The following NCOA3 variants were observed in gnomAD, a reference collection of about 807,000 sequenced individuals.
NCOA3 encodes nuclear receptor coactivator 3, also known as CBP-interacting protein.
In NCOA3, 51 loss-of-function variants were observed where a neutral mutation model predicts 158.8. That is an observed-to-expected ratio of 0.32 (90% CI 0.26 to 0.41). The LOEUF (loss-of-function observed/expected upper bound fraction) is 0.41. Among genes scored for constraint, NCOA3 ranks in the 10% least tolerant of loss-of-function variants. The pLI is 1.00. For missense variants in NCOA3, 1,510 were observed against 1,746.6 expected (o/e 0.86, Z 2.41); for synonymous variants, 537 against 592.4 (o/e 0.91, Z 1.36).
At chr20:47,542,817 C>T (rs778273754) in intron 1 of NCOA3, among the ~76,000 whole-genome samples, 5 of 152,066 alleles carry the variant, frequency 3.3e-5, no homozygotes, top group African/African-American at 4.8e-5. Context: ...CAAAAATTAT[C>T]CGGGCATGGT....
intron 1 of NCOA3, among the ~76,000 whole-genome samples, chr20:47,568,585 C>T (rs180974811): frequency 6.4e-4 from 98 of 152,218 alleles, no homozygotes; most frequent in Admixed American, 2.8e-3. Flanking sequence ...CCCTTTAGCT[C>T]CATGAGACCA....
intron 1 of NCOA3, among the ~76,000 whole-genome samples, chr20:47,517,447 TTTTC>T (rs1207809126): frequency 1.4e-5 from 2 of 144,702 alleles, no homozygotes; most frequent in Non-Finnish European, 3.0e-5. Flanking sequence ...TCTTTTTTCT[TTTTC>T]TTTTTTTTTT....
At chr20:47,568,815 C>A (rs986579755) in intron 1 of NCOA3, among the ~76,000 whole-genome samples, 2 of 151,772 alleles carry the variant, frequency 1.3e-5, no homozygotes, top group African/African-American at 4.8e-5. Context: ...AAAATTATTG[C>A]TAAAAAATGC....
intron 1 of NCOA3, among the ~76,000 whole-genome samples, chr20:47,506,487 A>G (rs1026775525): frequency 6.6e-6 from 1 of 152,144 alleles, no homozygotes; most frequent in Non-Finnish European, 1.5e-5. Flanking sequence ...TTTATCCACA[A>G]ACTGGATAAT....
chr20:47,634,165 A>G lies in NCOA3; in HGVS notation c.1082A>G (p.His361Arg), dbSNP rs780365713. Residue 361 changes from histidine (H) to arginine (R), a missense_variant, in exon 10 of 23, where the codon CAT (histidine) becomes CGT (arginine). Transcript: ENST00000371998. Reference protein sequence around the residue: ...LFRNPVTNDRHGFVSTHFLQR... With the variant: ...LFRNPVTNDRRGFVSTHFLQR... The stretch of plus-strand genomic sequence containing the variant: ...CGAAATCCTGTAACAAATGATCGAC[A>G]TGGCTTTGTCTCAACCCACTTCCTT... 3.1e-6 allele frequency: 5 copies of G among 1,614,166 alleles called. No homozygotes were observed. The highest frequency in any genetic ancestry group is 4.2e-6 in the Non-Finnish European group (5 of 1,180,022).
intron 2 of NCOA3, among the ~76,000 whole-genome samples, chr20:47,593,378 T>C (rs919141686): frequency 2.3e-4 from 31 of 135,768 alleles, no homozygotes; most frequent in Non-Finnish European, 4.4e-4. Context: ...AGTCTCGCTC[T>C]GTTGCCCAGG....
At chr20:47,650,071 G>A (rs772574669) in intron 19 of NCOA3, among the ~76,000 whole-genome samples, 1 of 151,758 alleles carries the variant, frequency 6.6e-6, no homozygotes, top group Admixed American at 6.6e-5. Flanking sequence ...TCATTTTCCT[G>A]TAATTGTCTT....
chr20:47,525,450 A>G (rs1203161640), intron 1 of NCOA3, among the ~76,000 whole-genome samples: 3 of 150,388 alleles, frequency 2.0e-5, no homozygotes, highest in African/African-American at 7.3e-5. Context: ...GCTGTTGGGT[A>G]CACCTCCCAG....
Position 47,655,089 on chromosome 20 carries a change from G to T in NCOA3, c.*1672G>T, listed in dbSNP as rs1470337007. 6.6e-6 allele frequency: 1 copy of T among 152,114 alleles called. No homozygotes were observed. The highest frequency in any genetic ancestry group is 2.4e-5 in the African/African-American group (1 of 41,408). The allele number at this position is 152,114 out of a possible 1,614,324, so 9.4% of individuals were successfully genotyped here. The stretch of plus-strand genomic sequence containing the variant: ...TGTCAGTTATTTCTTAAGTAACTCA[G>T]TACCCAGAACAGCCAGTTTTACTGT... On this transcript the variant is annotated 3_prime_UTR_variant, in exon 23 of 23. Coordinates refer to ENST00000371998, the MANE Select transcript of NCOA3 (RefSeq NM_181659.3).
chr20:47,509,883 A>G (rs1184673018), intron 1 of NCOA3, among the ~76,000 whole-genome samples: 2 of 152,092 alleles, frequency 1.3e-5, no homozygotes, highest in Non-Finnish European at 2.9e-5. Flanking sequence ...CTTGGTGGTA[A>G]TTGTGTTTTA....
chr20:47,594,517 T>G (rs1443966885), intron 2 of NCOA3, among the ~76,000 whole-genome samples: 2 of 151,252 alleles, frequency 1.3e-5, no homozygotes, highest in Non-Finnish European at 2.9e-5. Context: ...ACAAAACAAT[T>G]AGCCTGGCGT....
At chr20:47,584,120 C>A (rs2085496119) in intron 2 of NCOA3, among the ~76,000 whole-genome samples, 1 of 151,840 alleles carries the variant, frequency 6.6e-6, no homozygotes, top group Non-Finnish European at 1.5e-5. Flanking sequence ...CACAGTAACA[C>A]CCCCAGTTCT....
chr20:47,625,503 G>C (rs145496605), intron 5 of NCOA3, 22 bp downstream of exon 5: 2 of 1,486,040 alleles, frequency 1.3e-6, no homozygotes, highest in Non-Finnish European at 1.9e-6. Flanking sequence ...GATTTTAACT[G>C]TCCAGTAGGC....
chr20:47,652,695 A>C, intron 21 of NCOA3, 115 bp downstream of exon 21: 1 of 1,086,444 alleles, frequency 9.2e-7, no homozygotes, highest in South Asian at 1.6e-5. Flanking sequence ...CTGGGTTCAT[A>C]TTAGAAGGTG....
At position 47,639,094 on chromosome 20, in the gene NCOA3, A is replaced by G. The variant is rs1206632505; in HGVS notation, c.2599A>G (p.Ser867Gly). Residue 867 changes from serine to glycine, a missense_variant, in exon 14 of 23, where the codon AGT becomes GGT. Ser to Gly is a moderately conservative substitution (Grantham distance 56). Around this residue, in one of 4 missense-constraint regions of NCOA3, gnomAD observed 1,017 missense variants for 1,098.3 expected, o/e 0.93. Coordinates refer to ENST00000371998, the MANE Select transcript of NCOA3 (RefSeq NM_181659.3). ...GGATAGCCCTGTTTCTGTTGGCTCA[A>G]GTCCTCCAGTAAAAAATATCAGTGC... The part of the protein sequence containing the change: ...SLDSPVSVGS[S>G]PPVKNISAFP... The G allele has an allele frequency of 8.7e-6, 14 of 1,614,216 alleles. No individual in the cohort carries two copies. The highest frequency in any genetic ancestry group is 1.7e-5 in the Admixed American group (1 of 60,034).
At chr20:47,598,438 C>T (rs536708953) in intron 2 of NCOA3, among the ~76,000 whole-genome samples, 11 of 152,048 alleles carry the variant, frequency 7.2e-5, no homozygotes, top group East Asian at 2.0e-4. Context: ...TGGGTTCACG[C>T]GGTTCTCCTG....
intron 10 of NCOA3, 57 bp from the exon 11 acceptor site, chr20:47,635,265 A>T: frequency 2.0e-6 from 3 of 1,476,976 alleles, no homozygotes; most frequent in Non-Finnish European, 1.8e-6. Context: ...AAATCTGATT[A>T]AAAGCTTTCA....
intron 2 of NCOA3, among the ~76,000 whole-genome samples, chr20:47,604,941 A>G (rs1198820993): frequency 3.9e-5 from 6 of 151,974 alleles, no homozygotes. Flanking sequence ...ATCTCGGCTC[A>G]CTGCAACCTT....
chr20:47,622,721 G>A lies in NCOA3; in HGVS notation c.83+391G>A, dbSNP rs192922813. 3.0e-4 allele frequency among the ~76,000 whole-genome samples: 45 copies of A among 152,310 alleles called. 1 individual carries two copies. Among genetic ancestry groups the A allele is most frequent in the Admixed American group, 2.5e-3 (39 of 15,304 alleles). On this transcript the variant is annotated intron_variant, in intron 3 of 22. Coordinates refer to ENST00000371998, the MANE Select transcript of NCOA3 (RefSeq NM_181659.3). Reference sequence around the variant, plus strand: ...TCCAAAAAGAGAGTCAGCAAAGGGTGGTGGGATTATCATTAGTTCTTATAG... The same window carrying A: ...TCCAAAAAGAGAGTCAGCAAAGGGTAGTGGGATTATCATTAGTTCTTATAG...
Sources: gnomAD v4.1 joint callset for allele counts (sites outside exome capture counted in the v4.1 genomes callset) on GRCh38, gnomAD v4.1.1 for gene constraint, gnomAD v4.1.1 regional missense constraint, MANE v1.5 for transcripts, NCBI Gene and HGNC (gene_info 2026-07-23, HGNC 2026-07-21) for gene names.